TMC1: variants seen among roughly 807,000 people sequenced by gnomAD.
TMC1 encodes the protein transmembrane channel like 1.
TMC1 carries 84 observed loss-of-function variants against 105.8 expected under a neutral mutation model. That is an observed-to-expected ratio of 0.79 (90% CI 0.67 to 0.95). The LOEUF (loss-of-function observed/expected upper bound fraction) is 0.95. Among genes scored for constraint, TMC1 ranks in the 40% least tolerant of loss-of-function variants. The probability of loss-of-function intolerance (pLI) is 0.00; values close to 1 mark genes in which losing one functional copy is unlikely to be tolerated. For synonymous variants in TMC1, 315 were observed against 311.5 expected (o/e 1.01, Z -0.12); for missense variants, 817 against 914.1 (o/e 0.89, Z 1.37).
chr9:72,623,600 A>T (rs1825294466), intron 3 of TMC1, among the ~76,000 whole-genome samples: 1 of 152,094 alleles, frequency 6.6e-6, no homozygotes, highest in Non-Finnish European at 1.5e-5. Flanking sequence ...GGGAGTTCTA[A>T]TGAGCAGGTT....
In TMC1 at chr9:72,610,063, C is replaced by A. The variant is rs1481671803; in HGVS notation, c.-305-6305C>A. On this transcript the variant is annotated intron_variant, in intron 2 of 23. Coordinates refer to ENST00000297784, the MANE Select transcript of TMC1 (RefSeq NM_138691.3). ...CCAGGACACCATTTTGCATACCTAG[C>A]ACAATACCTACCACATAGTAGACAT... 1.3e-5 allele frequency among the ~76,000 whole-genome samples: 2 copies of A among 152,172 alleles called. 1 individual carries two copies. Among genetic ancestry groups the A allele is most frequent in the Non-Finnish European group, 2.9e-5 (2 of 68,046 alleles).
chr9:72,528,802 C>T (rs373307831), intron 1 of TMC1, among the ~76,000 whole-genome samples: 2 of 152,218 alleles, frequency 1.3e-5, no homozygotes, highest in South Asian at 4.1e-4. Context: ...GTTGGGCTTG[C>T]AGACTGACCT....
intron 5 of TMC1, among the ~76,000 whole-genome samples, chr9:72,650,713 G>A (rs1279294253): frequency 1.3e-5 from 2 of 150,870 alleles, no homozygotes; most frequent in Non-Finnish European, 3.0e-5. Flanking sequence ...GTTTTCATAA[G>A]TTCTTATCAT....
intron 13 of TMC1, among the ~76,000 whole-genome samples, chr9:72,781,557 G>A (rs1021049780): frequency 1.3e-5 from 2 of 151,894 alleles, no homozygotes; most frequent in African/African-American, 4.8e-5. Context: ...AAATAAGATT[G>A]ATAGACCACT....
At position 72,676,468 on chromosome 9, in the gene TMC1, A is replaced by G. The variant is rs569844991; in HGVS notation, c.17-12241A>G. Among the ~76,000 whole-genome samples the G allele has an allele frequency of 2.0e-3, 311 of 152,260 alleles. 1 individual carries two copies. The highest frequency in any genetic ancestry group is 6.8e-3 in the Middle Eastern group (2 of 294). On this transcript the variant is annotated intron_variant, in intron 5 of 23. Transcript: ENST00000297784. ...CCAGGCACTGTATTGAGTATATTGC[A>G]TGTATTTATTATTATATTTAGTTCT...
At chr9:72,768,999 G>T (rs958803681) in intron 12 of TMC1, among the ~76,000 whole-genome samples, 1 of 152,132 alleles carries the variant, frequency 6.6e-6, no homozygotes, top group Non-Finnish European at 1.5e-5. Flanking sequence ...AGAGTTTCTT[G>T]TTTCTTTCCT....
At chr9:72,603,549 GTGTTGTTGTTGT>G (rs10655236) in intron 2 of TMC1, among the ~76,000 whole-genome samples, 2 of 151,216 alleles carry the variant, frequency 1.3e-5, no homozygotes, top group African/African-American at 4.9e-5. Flanking sequence ...GTTTAGTTTA[GTGTTGTTGTTGT>G]TGTTGTTGTT....
At chr9:72,565,654 T>G (rs1824138264) in intron 1 of TMC1, among the ~76,000 whole-genome samples, 1 of 152,152 alleles carries the variant, frequency 6.6e-6, no homozygotes, top group Non-Finnish European at 1.5e-5. Context: ...GACGGTAATT[T>G]ATAAAGAAAA....
chr9:72,604,322 A>C (rs904716914), intron 2 of TMC1, among the ~76,000 whole-genome samples: 1 of 152,222 alleles, frequency 6.6e-6, no homozygotes, highest in Non-Finnish European at 1.5e-5. Context: ...TGTTAAAAGA[A>C]ATCACAAAAT....
In TMC1 at chr9:72,585,636, A is replaced by T. The variant is rs146775279; in HGVS notation, c.-306+7613A>T. 4.9e-4 allele frequency among the ~76,000 whole-genome samples: 75 copies of T among 152,368 alleles called. 1 individual carries two copies. Among genetic ancestry groups the T allele is most frequent in the Non-Finnish European group, 8.7e-4 (59 of 68,036 alleles). ...AAAATAAAGAGTTTCTCTGGCTTGG[A>T]GTTGACCAAAATAAGAGAAAGGTGA... On this transcript the variant is annotated intron_variant, in intron 2 of 23. Coordinates refer to ENST00000297784, the MANE Select transcript of TMC1 (RefSeq NM_138691.3).
At chr9:72,630,167 G>C (rs1051153572) in intron 4 of TMC1, among the ~76,000 whole-genome samples, 5 of 151,970 alleles carry the variant, frequency 3.3e-5, no homozygotes, top group Non-Finnish European at 5.9e-5. Context: ...CGCCTGGCCT[G>C]GGGTGTCCAT....
chr9:72,545,322 G>GT (rs1554710280), intron 1 of TMC1, among the ~76,000 whole-genome samples: 15,265 of 119,206 alleles, frequency 0.13, 1,075 homozygotes, highest in African/African-American at 0.27. Context: ...ACATTAATAT[G>GT]TTTTTTTTAA....
chr9:72,738,277 G>A (rs928842171), intron 8 of TMC1, among the ~76,000 whole-genome samples: 1 of 152,104 alleles, frequency 6.6e-6, no homozygotes, highest in African/African-American at 2.4e-5. Flanking sequence ...ACATGTACAG[G>A]TGAGTAATGA....
intron 4 of TMC1, among the ~76,000 whole-genome samples, chr9:72,646,920 T>C (rs1319787213): frequency 1.3e-5 from 2 of 152,082 alleles, no homozygotes; most frequent in African/African-American, 4.8e-5. Flanking sequence ...GGTGGGTGGA[T>C]TACCTGAGGT....
intron 23 of TMC1, among the ~76,000 whole-genome samples, chr9:72,834,308 G>T (rs1301868898): frequency 1.3e-5 from 2 of 152,018 alleles, no homozygotes; most frequent in African/African-American, 2.4e-5. Flanking sequence ...TTGATAGTCT[G>T]TTTTCTCTAA....
intron 1 of TMC1, among the ~76,000 whole-genome samples, chr9:72,551,852 G>A (rs1043788159): frequency 3.3e-5 from 5 of 152,150 alleles, no homozygotes; most frequent in African/African-American, 1.2e-4. Context: ...GGAAAAGACC[G>A]TGTGATGATG....
intron 8 of TMC1, among the ~76,000 whole-genome samples, chr9:72,737,456 TAA>T (rs1827319231): frequency 6.6e-6 from 1 of 152,172 alleles, no homozygotes. Context: ...CTTGACCTAT[TAA>T]AAGCCACACA....
intron 2 of TMC1, among the ~76,000 whole-genome samples, chr9:72,599,473 G>A (rs1000840383): frequency 6.6e-6 from 1 of 152,160 alleles, no homozygotes; most frequent in African/African-American, 2.4e-5. Context: ...GTTACAAAAA[G>A]CCTATAGGTT....
At chr9:72,832,130 T>G (rs1459375190) in intron 23 of TMC1, among the ~76,000 whole-genome samples, 2 of 152,012 alleles carry the variant, frequency 1.3e-5, no homozygotes, top group Non-Finnish European at 2.9e-5. Context: ...TTTTAATTTT[T>G]TTTTTGAAGT....
Sources: allele counts gnomAD v4.1 joint callset (sites outside exome capture counted in the v4.1 genomes callset), GRCh38; gene constraint gnomAD v4.1.1; transcripts MANE v1.5; gene names NCBI Gene and HGNC (gene_info 2026-07-23, HGNC 2026-07-21).